Variants in IQCJ observed in about 807,000 individuals in gnomAD.
IQCJ encodes IQ domain-containing protein J.
Under a neutral mutation model 11.0 loss-of-function variants are expected in IQCJ, and 9 were observed. That is an observed-to-expected ratio of 0.82 (90% CI 0.49 to 1.43). The LOEUF is 1.43. Ranked by LOEUF, IQCJ falls within the 40% of genes most tolerant of loss-of-function variation. The pLI is 0.00. For missense variants in IQCJ, 146 were observed against 133.2 expected, an observed-to-expected ratio of 1.10 and a Z score of -0.47; for synonymous variants, 55 against 51.3, an observed-to-expected ratio of 1.07 and a Z score of -0.31.
chr3:159,088,526 G>T (rs193005610), intron 1 of IQCJ, among the ~76,000 whole-genome samples: 2 of 152,270 alleles, frequency 1.3e-5, no homozygotes, highest in African/African-American at 2.4e-5. Context: ...GGGTGCTAAA[G>T]TCTCCCATTA....
intron 1 of IQCJ, among the ~76,000 whole-genome samples, chr3:159,191,254 G>T (rs17727477): frequency 0.042 from 6,337 of 152,232 alleles, 205 homozygotes; most frequent in Non-Finnish European, 0.061. Context: ...CAGGTTGGAG[G>T]AGCATGGGTT....
intron 1 of IQCJ, among the ~76,000 whole-genome samples, chr3:159,226,889 A>G (rs1363804457): frequency 1.3e-5 from 2 of 152,140 alleles, no homozygotes; most frequent in African/African-American, 4.8e-5. Context: ...GTTTTATGTA[A>G]GTGTTTTATG....
chr3:159,168,045 T>A (rs1435197758), intron 1 of IQCJ, among the ~76,000 whole-genome samples: 1 of 152,124 alleles, frequency 6.6e-6, no homozygotes, highest in East Asian at 1.9e-4. Context: ...TTTCCCCCAA[T>A]TCTAGGACCA....
At chr3:159,111,909 AT>A (rs935591734) in intron 1 of IQCJ, among the ~76,000 whole-genome samples, 1 of 152,218 alleles carries the variant, frequency 6.6e-6, no homozygotes, top group Non-Finnish European at 1.5e-5. Flanking sequence ...ACATACTTAA[AT>A]AACATAATTT....
At chr3:159,213,325 T>C (rs1220370623) in intron 1 of IQCJ, among the ~76,000 whole-genome samples, 1 of 152,206 alleles carries the variant, frequency 6.6e-6, no homozygotes, top group African/African-American at 2.4e-5. Context: ...CCACGGGTGC[T>C]GACACTGAAG....
intron 1 of IQCJ, among the ~76,000 whole-genome samples, chr3:159,144,086 T>C (rs1013317258): frequency 2.6e-5 from 4 of 152,208 alleles, no homozygotes; most frequent in African/African-American, 9.7e-5. Flanking sequence ...CAAAAGGACC[T>C]GTTTGTTAAT....
chr3:159,219,935 G>C lies in IQCJ; in HGVS notation c.10-25908G>C, dbSNP rs562645079. Among the ~76,000 whole-genome samples the C allele has an allele frequency of 2.0e-5, 3 of 152,232 alleles. No individual in the cohort carries two copies. The South Asian group carries it at 6.2e-4, about 32-fold the overall frequency. The stretch of plus-strand genomic sequence containing the variant: ...AGTGGGTTGCTTTCCTCTGCACTCA[G>C]TGGTATCTGTGGAGGAGTTTGACAG... On this transcript the variant is annotated intron_variant, in intron 1 of 3. Transcript: ENST00000397832.
At chr3:159,129,175 A>G (rs1719849358) in intron 1 of IQCJ, among the ~76,000 whole-genome samples, 1 of 152,238 alleles carries the variant, frequency 6.6e-6, no homozygotes. Flanking sequence ...CATCTCGTAG[A>G]TAAGGAAACA....
At chr3:159,264,182 C>T (rs970169172), downstream of IQCJ, among the ~76,000 whole-genome samples, 1 of 152,210 alleles carries the variant, frequency 6.6e-6, no homozygotes, top group Non-Finnish European at 1.5e-5. Flanking sequence ...CACGACAATT[C>T]TCAATTGCTG....
chr3:159,086,659 A>G (rs1716798580), intron 1 of IQCJ, among the ~76,000 whole-genome samples: 1 of 151,416 alleles, frequency 6.6e-6, no homozygotes, highest in Non-Finnish European at 1.5e-5. Context: ...ATTCCTAGGT[A>G]TTTTATTCTC....
intron 1 of IQCJ, among the ~76,000 whole-genome samples, chr3:159,201,996 A>G (rs561095535): frequency 6.9e-4 from 105 of 152,314 alleles, no homozygotes; most frequent in Non-Finnish European, 9.3e-4. Flanking sequence ...GACAGAAGAC[A>G]TGGGTGGGTT....
chr3:159,241,954 A>T (rs527762145), intron 1 of IQCJ, among the ~76,000 whole-genome samples: 3 of 152,352 alleles, frequency 2.0e-5, no homozygotes, highest in African/African-American at 7.2e-5. Context: ...CAATCAAGGG[A>T]GGCTTTTTTG....
intron 1 of IQCJ, among the ~76,000 whole-genome samples, chr3:159,163,734 C>T (rs141809024): frequency 6.6e-6 from 1 of 152,132 alleles, no homozygotes; most frequent in Admixed American, 6.5e-5. Flanking sequence ...TTATCTCTCC[C>T]CTTTTACAGG....
At chr3:159,187,688 C>A (rs567007036) in intron 1 of IQCJ, among the ~76,000 whole-genome samples, 1 of 152,200 alleles carries the variant, frequency 6.6e-6, no homozygotes, top group Admixed American at 6.5e-5. Flanking sequence ...AAGGATGGCA[C>A]CAGGGTCCGT....
chr3:159,257,859 T>C (rs1171972992), intron 3 of IQCJ, among the ~76,000 whole-genome samples: 1 of 152,196 alleles, frequency 6.6e-6, no homozygotes, highest in Non-Finnish European at 1.5e-5. Flanking sequence ...TGCCTTTTGC[T>C]GAACCGTAAG....
intron 1 of IQCJ, among the ~76,000 whole-genome samples, chr3:159,229,281 C>T (rs1726048876): frequency 6.6e-6 from 1 of 152,186 alleles, no homozygotes; most frequent in Non-Finnish European, 1.5e-5. Context: ...CACATGGGTC[C>T]ACTCTTAGCC....
At chr3:159,198,075 A>T (rs144492463) in intron 1 of IQCJ, among the ~76,000 whole-genome samples, 1 of 152,298 alleles carries the variant, frequency 6.6e-6, no homozygotes, top group African/African-American at 2.4e-5. Flanking sequence ...ATGAATTTTA[A>T]AAGTAGGTCG....
At chr3:159,195,767 G>T (rs945425957) in intron 1 of IQCJ, among the ~76,000 whole-genome samples, 3 of 152,182 alleles carry the variant, frequency 2.0e-5, no homozygotes, top group Non-Finnish European at 4.4e-5. Flanking sequence ...GAGACTTGAA[G>T]GTCTATCAGA....
At chr3:159,257,396 GC>G (rs1482334169) in intron 3 of IQCJ, among the ~76,000 whole-genome samples, 4 of 152,266 alleles carry the variant, frequency 2.6e-5, no homozygotes, top group African/African-American at 4.8e-5. Context: ...GACCCAAATT[GC>G]CCAAATTCTC....
Sources: gnomAD v4.1 joint callset for allele counts (sites outside exome capture counted in the v4.1 genomes callset) on GRCh38, gnomAD v4.1.1 for gene constraint, MANE v1.5 for transcripts, NCBI Gene and HGNC (gene_info 2026-07-23, HGNC 2026-07-21) for gene names.